Variants in GSE1 observed in about 807,000 individuals in gnomAD.
GSE1 encodes genetic suppressor element 1.
A neutral mutation model predicts 112.6 loss-of-function variants in GSE1; 32 were observed. That is an observed-to-expected ratio of 0.28 (90% CI 0.21 to 0.38). The LOEUF (loss-of-function observed/expected upper bound fraction) is 0.38. GSE1 is among the 10% of genes least tolerant of loss of function. The pLI is 1.00. For synonymous variants in GSE1, 1,115 were observed against 735.6 expected, an observed-to-expected ratio of 1.52 and a Z score of -8.35; for missense variants, 2,348 against 1,699.2, an observed-to-expected ratio of 1.38 and a Z score of -6.71.
intron 1 of GSE1, among the ~76,000 whole-genome samples, chr16:85,219,680 C>T (rs1314704926): frequency 6.6e-6 from 1 of 152,244 alleles, no homozygotes; most frequent in Non-Finnish European, 1.5e-5. Flanking sequence ...CCTCCGTGCA[C>T]CTGACCTGTC....
In GSE1 at chr16:85,605,018, C is replaced by T. The variant is rs369091263; in HGVS notation, c.38-43534C>T. Among the ~76,000 whole-genome samples the T allele has an allele frequency of 4.3e-3, 642 of 148,074 alleles. 10 individuals are homozygous for T. Among genetic ancestry groups the T allele is most frequent in the African/African-American group, 0.015 (607 of 39,682 alleles). On this transcript the variant is annotated intron_variant, in intron 1 of 2. Transcript: ENST00000635906. ...ATTTTTAGTAGAGATGGGGTTTCAC[C>T]GTGTTAGCCAGGATGGTCTCGATCT...
At chr16:85,184,495 A>G (rs1296088460) in intron 1 of GSE1, among the ~76,000 whole-genome samples, 1 of 152,184 alleles carries the variant, frequency 6.6e-6, no homozygotes, top group Non-Finnish European at 1.5e-5. Flanking sequence ...TTTGCTAAGC[A>G]TTCCCCATAT....
chr16:85,507,974 C>T (rs544537668), intron 2 of GSE1, among the ~76,000 whole-genome samples: 32 of 152,126 alleles, frequency 2.1e-4, no homozygotes, highest in Non-Finnish European at 4.0e-4. Flanking sequence ...TGCCCAGTCC[C>T]CCAGAAGCCC....
At chr16:85,551,554 G>A (rs763472188), upstream of GSE1, among the ~76,000 whole-genome samples, 10 of 152,242 alleles carry the variant, frequency 6.6e-5, no homozygotes, top group East Asian at 1.9e-4. Context: ...AAGGCCGCCC[G>A]GGAGGCTCAC....
intron 1 of GSE1, among the ~76,000 whole-genome samples, chr16:85,217,337 T>G (rs1370930223): frequency 6.6e-6 from 1 of 152,156 alleles, no homozygotes; most frequent in Non-Finnish European, 1.5e-5. Context: ...GTGCTGTGTT[T>G]GGGGTTGGGA....
chr16:85,202,648 G>A (rs970940850), intron 1 of GSE1, among the ~76,000 whole-genome samples: 2 of 152,182 alleles, frequency 1.3e-5, no homozygotes, highest in Non-Finnish European at 2.9e-5. Flanking sequence ...GGGACCCTTC[G>A]ATCCTCAGGC....
intron 2 of GSE1, among the ~76,000 whole-genome samples, chr16:85,544,114 C>T (rs965334577): frequency 1.1e-4 from 17 of 152,156 alleles, no homozygotes; most frequent in African/African-American, 3.9e-4. Context: ...GGATTACAGG[C>T]GTGAGCCACT....
At chr16:85,574,930 A>G (rs942037100) in intron 1 of GSE1, among the ~76,000 whole-genome samples, 1 of 152,108 alleles carries the variant, frequency 6.6e-6, no homozygotes, top group African/African-American at 2.4e-5. Flanking sequence ...TCCCCTCTTT[A>G]GATTGAGCCA....
intron 3 of GSE1, among the ~76,000 whole-genome samples, chr16:85,653,782 G>A (rs1176338108): frequency 6.6e-6 from 1 of 152,186 alleles, no homozygotes; most frequent in Non-Finnish European, 1.5e-5. Context: ...CTCCACGTGG[G>A]CACCAGGGCC....
At position 85,561,529 on chromosome 16, in the gene GSE1, C is replaced by G. The variant is rs1381522616; in HGVS notation, c.37+5166C>G. ...ACTCTGGGTGACCCTGGCCTTCCCT[C>G]AGGATCACTGTCCACTGCTAGAAAG... On this transcript the variant is annotated intron_variant, in intron 1 of 2. Coordinates refer to the GSE1 transcript ENST00000635906. 2.0e-5 allele frequency among the ~76,000 whole-genome samples: 3 copies of G among 152,218 alleles called. No individual in the cohort carries two copies. In the East Asian group the frequency reaches 5.8e-4, roughly 29 times the overall value.
intron 1 of GSE1, among the ~76,000 whole-genome samples, chr16:85,565,022 G>A (rs1478441489): frequency 6.6e-6 from 1 of 152,108 alleles, no homozygotes; most frequent in African/African-American, 2.4e-5. Flanking sequence ...CGTCTTAAGA[G>A]GGTCTTGAAT....
chr16:85,225,446 G>T (rs1328710053), intron 1 of GSE1, among the ~76,000 whole-genome samples: 1 of 152,198 alleles, frequency 6.6e-6, no homozygotes, highest in Non-Finnish European at 1.5e-5. Context: ...GAGCACAGGG[G>T]CTTTGTGGGG....
At chr16:85,616,511 T>A (rs1225490409) in intron 1 of GSE1, among the ~76,000 whole-genome samples, 2 of 152,206 alleles carry the variant, frequency 1.3e-5, no homozygotes, top group Non-Finnish European at 2.9e-5. Flanking sequence ...ATGGGGACCC[T>A]CTCTGGGTAG....
At chr16:85,397,349 A>G (rs2047990691) in intron 2 of GSE1, among the ~76,000 whole-genome samples, 1 of 152,218 alleles carries the variant, frequency 6.6e-6, no homozygotes, top group Non-Finnish European at 1.5e-5. Flanking sequence ...AGTGACACTC[A>G]GTGTCTACTC....
At chr16:85,668,927 G>GTCTTT (rs2053104989) in intron 14 of GSE1, among the ~76,000 whole-genome samples, 1 of 152,244 alleles carries the variant, frequency 6.6e-6, no homozygotes, top group Non-Finnish European at 1.5e-5. Context: ...ACAGGCTCCT[G>GTCTTT]GTAAAGGCTT....
chr16:85,224,468 A>G (rs960772535), intron 1 of GSE1, among the ~76,000 whole-genome samples: 2 of 152,100 alleles, frequency 1.3e-5, no homozygotes, highest in Non-Finnish European at 2.9e-5. Context: ...GTTCGGGTTT[A>G]TAGCTTAGTT....
chr16:85,191,281 A>G (rs2143444492), intron 1 of GSE1, among the ~76,000 whole-genome samples: 1 of 152,282 alleles, frequency 6.6e-6, no homozygotes, highest in African/African-American at 2.4e-5. Context: ...CAACAAAAAC[A>G]ACAACAACAA....
intron 1 of GSE1, among the ~76,000 whole-genome samples, chr16:85,630,643 C>T (rs1398751520): frequency 3.3e-5 from 5 of 152,190 alleles, no homozygotes; most frequent in East Asian, 3.8e-4. Context: ...TACAGTTCAA[C>T]GTATCTTAGC....
intron 2 of GSE1, among the ~76,000 whole-genome samples, chr16:85,364,160 C>T (rs2047138988): frequency 6.6e-6 from 1 of 152,220 alleles, no homozygotes; most frequent in Non-Finnish European, 1.5e-5. Context: ...GTGCCTTCTG[C>T]AGCTTCCTTG....
Sources: allele counts gnomAD v4.1 joint callset (sites outside exome capture counted in the v4.1 genomes callset), GRCh38; gene constraint gnomAD v4.1.1; transcripts MANE v1.5; gene names NCBI Gene and HGNC (gene_info 2026-07-23, HGNC 2026-07-21).